Variants in ACTR3B observed in about 807,000 individuals in gnomAD.
The protein encoded by ACTR3B is actin related protein 3B.
In ACTR3B, 8 loss-of-function variants were observed where a neutral mutation model predicts 59.0. The ratio of observed to expected loss-of-function variants is 0.14; its 90% confidence interval spans 0.08 to 0.24. The LOEUF (loss-of-function observed/expected upper bound fraction) is 0.24, where lower values mean the gene tolerates loss of function less well. Ranked by LOEUF, ACTR3B falls within the 10% of genes least tolerant of loss-of-function variation. ACTR3B has a pLI of 1.00. For missense variants in ACTR3B, 245 were observed against 552.3 expected, an observed-to-expected ratio of 0.44 and a Z score of 5.58; for synonymous variants, 148 against 197.9, an observed-to-expected ratio of 0.75 and a Z score of 2.12.
At chr7:152,781,356 G>T (rs10230555) in intron 1 of ACTR3B, among the ~76,000 whole-genome samples, 1 of 151,442 alleles carries the variant, frequency 6.6e-6, no homozygotes, top group East Asian at 1.9e-4. Context: ...TGGTCCTTCC[G>T]CTGGCGGTTT....
At chr7:152,838,079 G>T (rs892495148) in intron 9 of ACTR3B, among the ~76,000 whole-genome samples, 2 of 151,550 alleles carry the variant, frequency 1.3e-5, no homozygotes, top group African/African-American at 4.9e-5. Context: ...TGTTTGTCAT[G>T]TGCAACATGG....
At chr7:152,844,390 T>C (rs138803363) in intron 9 of ACTR3B, among the ~76,000 whole-genome samples, 3 of 143,070 alleles carry the variant, frequency 2.1e-5, no homozygotes, top group Non-Finnish European at 4.5e-5. Flanking sequence ...AATGTTTTTT[T>C]AAAAAAATCT....
chr7:152,799,723 G>C (rs1002923508), intron 2 of ACTR3B, among the ~76,000 whole-genome samples: 1 of 152,234 alleles, frequency 6.6e-6, no homozygotes, highest in Non-Finnish European at 1.5e-5. Flanking sequence ...GCCTTCAAGT[G>C]AGGAGATGGT....
rs1024204634 is a variant in ACTR3B at position 152,848,683 on chromosome 7, C to G, written c.952-3443C>G. Among the ~76,000 whole-genome samples the G allele has an allele frequency of 3.9e-5, 6 of 152,284 alleles. No homozygotes were observed. In the South Asian group the frequency reaches 1.2e-3, roughly 32 times the overall value. On this transcript the variant is annotated intron_variant, in intron 9 of 11. Coordinates refer to ENST00000256001, the MANE Select transcript of ACTR3B (RefSeq NM_020445.6). ...GAGGCTTATTCTAAGATGAGATGAT[C>G]AAAATACCAACATGCTTTTAAGTTA... is the stretch of plus-strand genomic sequence containing the variant.
intron 2 of ACTR3B, among the ~76,000 whole-genome samples, chr7:152,784,446 T>G (rs2116623516): frequency 6.6e-6 from 1 of 152,078 alleles, no homozygotes; most frequent in East Asian, 1.9e-4. Flanking sequence ...GTAACCTCAT[T>G]CCGGTTCCTT....
chr7:152,768,137 C>T (rs1377952799), intron 1 of ACTR3B, among the ~76,000 whole-genome samples: 1 of 152,212 alleles, frequency 6.6e-6, no homozygotes, highest in Admixed American at 6.5e-5. Context: ...GCAGGAGACT[C>T]GTTTGAACCT....
At chr7:152,768,849 G>T (rs1359183515) in intron 1 of ACTR3B, among the ~76,000 whole-genome samples, 1 of 150,978 alleles carries the variant, frequency 6.6e-6, no homozygotes, top group Non-Finnish European at 1.5e-5. Context: ...GTTATTTAGG[G>T]CTTCCAATTT....
intron 10 of ACTR3B, 141 bp downstream of exon 10, chr7:152,852,392 G>A (rs1798886960): frequency 7.1e-6 from 8 of 1,127,760 alleles, no homozygotes; most frequent in African/African-American, 1.6e-5. Context: ...GCTGCATTGT[G>A]ACATGACCAT....
intron 1 of ACTR3B, among the ~76,000 whole-genome samples, chr7:152,780,676 A>T (rs1293882575): frequency 6.6e-6 from 1 of 151,388 alleles, no homozygotes; most frequent in African/African-American, 2.4e-5. Flanking sequence ...AATGAGGCAT[A>T]GTTGTTGAAG....
chr7:152,760,347 C>T lies in ACTR3B; in HGVS notation c.44+421C>T, dbSNP rs112027879. ...CAGATCATCACTGCAGATCCTTTAA[C>T]GTCACTCATCTCCTAGTGAACGGTG... On this transcript the variant is annotated intron_variant, in intron 1 of 11. Coordinates refer to ENST00000256001, the MANE Select transcript of ACTR3B (RefSeq NM_020445.6). 3.2e-3 allele frequency among the ~76,000 whole-genome samples: 492 copies of T among 152,322 alleles called. 3 individuals are homozygous for T. The highest frequency in any genetic ancestry group is 0.011 in the African/African-American group (472 of 41,588).
intron 4 of ACTR3B, among the ~76,000 whole-genome samples, chr7:152,807,632 C>A (rs1445203447): frequency 6.6e-6 from 1 of 152,168 alleles, no homozygotes; most frequent in Non-Finnish European, 1.5e-5. Context: ...AAGAGGCTTG[C>A]TTTCTTTGTA....
intron 4 of ACTR3B, chr7:152,812,579 A>G (rs1316823787): frequency 2.2e-5 from 3 of 136,706 alleles, no homozygotes; most frequent in Admixed American, 8.1e-5. Flanking sequence ...TTTATGGGGT[A>G]CAGAGTGAAG....
chr7:152,821,822 G>A (rs1043114034), intron 7 of ACTR3B, among the ~76,000 whole-genome samples: 6 of 152,190 alleles, frequency 3.9e-5, no homozygotes, highest in Admixed American at 6.5e-5. Context: ...CCTGAAAGGC[G>A]TGGTTTAGAG....
intron 6 of ACTR3B, among the ~76,000 whole-genome samples, chr7:152,818,633 G>C (rs1795903282): frequency 6.6e-6 from 1 of 152,228 alleles, no homozygotes; most frequent in South Asian, 2.1e-4. Context: ...ATTTTTAGTA[G>C]AGATGGGGTT....
At chr7:152,805,897 A>C (rs1439499522) in intron 4 of ACTR3B, among the ~76,000 whole-genome samples, 1 of 152,206 alleles carries the variant, frequency 6.6e-6, no homozygotes, top group African/African-American at 2.4e-5. Context: ...GAGTAATATT[A>C]GATACATGTG....
At chr7:152,762,754 T>C (rs1398383996) in intron 1 of ACTR3B, among the ~76,000 whole-genome samples, 1 of 152,220 alleles carries the variant, frequency 6.6e-6, no homozygotes, top group Admixed American at 6.5e-5. Context: ...TAATTTAATC[T>C]GGAATAATTT....
intron 9 of ACTR3B, among the ~76,000 whole-genome samples, chr7:152,837,652 T>C (rs564949108): frequency 6.6e-6 from 1 of 152,262 alleles, no homozygotes; most frequent in Non-Finnish European, 1.5e-5. Flanking sequence ...TCAAGACTCC[T>C]GCTGAATACA....
chr7:152,819,426 G>A (rs1435334493), intron 6 of ACTR3B, among the ~76,000 whole-genome samples: 1 of 152,194 alleles, frequency 6.6e-6, no homozygotes, highest in East Asian at 1.9e-4. Context: ...CCAGCGGTGG[G>A]CGTTGTCCAC....
At chr7:152,806,440 G>A (rs2098252306) in intron 4 of ACTR3B, among the ~76,000 whole-genome samples, 1 of 152,180 alleles carries the variant, frequency 6.6e-6, no homozygotes, top group African/African-American at 2.4e-5. Flanking sequence ...AGTAATAGAA[G>A]TATAAAAGCA....
Sources: gnomAD v4.1 joint callset for allele counts (sites outside exome capture counted in the v4.1 genomes callset) on GRCh38, gnomAD v4.1.1 for gene constraint, MANE v1.5 for transcripts, NCBI Gene and HGNC (gene_info 2026-07-23, HGNC 2026-07-21) for gene names.